Variants in CSMD1 observed in about 807,000 individuals in gnomAD.
CSMD1 encodes CUB and sushi domain-containing protein 1.
CSMD1 carries 213 observed loss-of-function variants against 417.5 expected under a neutral mutation model. The observed-to-expected ratio is 0.51, with a 90% CI of 0.46 to 0.57. The LOEUF is 0.57. Ranked by LOEUF, CSMD1 falls within the 20% of genes least tolerant of loss-of-function variation. The pLI is 0.00. For synonymous variants in CSMD1, 2,862 were observed against 1,736.8 expected, an observed-to-expected ratio of 1.65 and a Z score of -16.11; for missense variants, 6,923 against 4,529.7, an observed-to-expected ratio of 1.53 and a Z score of -15.17.
chr8:4,510,390 TAAAAAA>T (rs34791623), intron 2 of CSMD1, among the ~76,000 whole-genome samples: 917 of 54,486 alleles, frequency 0.017, 6 homozygotes, highest in Non-Finnish European at 0.023. Flanking sequence ...GCATAATGCC[TAAAAAA>T]AAAAAAAAAA....
intron 26 of CSMD1, among the ~76,000 whole-genome samples, chr8:3,241,358 A>G (rs1245676444): frequency 6.6e-6 from 1 of 151,830 alleles, no homozygotes; most frequent in African/African-American, 2.4e-5. Context: ...GGTAATGTGG[A>G]GTGGGTAGCC....
chr8:2,963,091 G>C, intron 60 of CSMD1, 131 bp downstream of exon 60: 2 of 989,090 alleles, frequency 2.0e-6, no homozygotes, highest in Non-Finnish European at 1.5e-6. Flanking sequence ...TCAAGTTTGA[G>C]TTTTTGTGTA....
At chr8:3,148,647 T>C (rs1404154772) in intron 40 of CSMD1, among the ~76,000 whole-genome samples, 4 of 152,222 alleles carry the variant, frequency 2.6e-5, no homozygotes, top group African/African-American at 9.6e-5. Flanking sequence ...TGTTTTTCAC[T>C]ATAAAACAAT....
At chr8:3,761,637 C>G (rs550884075) in intron 5 of CSMD1, among the ~76,000 whole-genome samples, 1 of 151,066 alleles carries the variant, frequency 6.6e-6, no homozygotes, top group East Asian at 2.0e-4. Flanking sequence ...TGCTGAGTAT[C>G]TGGGATTATA....
intron 7 of CSMD1, among the ~76,000 whole-genome samples, chr8:3,671,365 T>C (rs941978083): frequency 1.4e-5 from 2 of 147,950 alleles, no homozygotes; most frequent in East Asian, 2.0e-4. Flanking sequence ...ATTTCATAAA[T>C]TGCCTGAAAA....
intron 3 of CSMD1, among the ~76,000 whole-genome samples, chr8:4,156,737 C>G (rs993018657): frequency 1.3e-5 from 2 of 152,152 alleles, no homozygotes; most frequent in Non-Finnish European, 2.9e-5. Flanking sequence ...GGGCCAGTGA[C>G]AGCTTCAACC....
At chr8:4,358,222 C>G (rs577453667) in intron 3 of CSMD1, among the ~76,000 whole-genome samples, 17 of 152,248 alleles carry the variant, frequency 1.1e-4, no homozygotes, top group African/African-American at 4.1e-4. Flanking sequence ...ATTTTATGTA[C>G]CAAATGAATG....
chr8:4,744,390 C>A (rs1563272758), intron 1 of CSMD1, among the ~76,000 whole-genome samples: 1 of 152,136 alleles, frequency 6.6e-6, no homozygotes, highest in Non-Finnish European at 1.5e-5. Context: ...CTTCTCCAAC[C>A]TCTCAGTTCG....
intron 3 of CSMD1, among the ~76,000 whole-genome samples, chr8:4,343,328 G>A (rs990358419): frequency 2.6e-5 from 4 of 152,004 alleles, no homozygotes; most frequent in African/African-American, 4.8e-5. Flanking sequence ...GTAAGAGAAT[G>A]AATACATTCC....
chr8:4,653,640 G>A (rs1804047412), intron 1 of CSMD1, among the ~76,000 whole-genome samples: 1 of 152,100 alleles, frequency 6.6e-6, no homozygotes, highest in African/African-American at 2.4e-5. Context: ...ACTGCAGCGG[G>A]TTCCTGATCT....
At chr8:4,060,118 G>A (rs1798894775) in intron 3 of CSMD1, among the ~76,000 whole-genome samples, 1 of 152,166 alleles carries the variant, frequency 6.6e-6, no homozygotes, top group Non-Finnish European at 1.5e-5. Flanking sequence ...CTTCATCCCT[G>A]GGATGCAAGG....
In CSMD1 at chr8:4,864,197, A is replaced by C. The variant is rs189496879; in HGVS notation, c.85+130135T>G. Among the ~76,000 whole-genome samples the C allele has an allele frequency of 2.8e-3, 431 of 152,102 alleles. 8 individuals are homozygous for C. Among genetic ancestry groups the C allele is most frequent in the African/African-American group, 9.8e-3 (406 of 41,492 alleles). ...TCAAATAATAATGAAGTACAACCAA[A>C]ACAGACTGAATTTCAAGTTGCTAGT... On this transcript the variant is annotated intron_variant, in intron 1 of 69. Coordinates refer to ENST00000635120, the MANE Select transcript of CSMD1 (RefSeq NM_033225.6).
intron 1 of CSMD1, among the ~76,000 whole-genome samples, chr8:4,920,531 C>A (rs910001733): frequency 6.6e-6 from 1 of 152,078 alleles, no homozygotes; most frequent in Non-Finnish European, 1.5e-5. Context: ...TCAGAAATTA[C>A]AATGGTGAGG....
chr8:3,592,706 G>GTC (rs1800907005), intron 8 of CSMD1, among the ~76,000 whole-genome samples: 1 of 151,886 alleles, frequency 6.6e-6, no homozygotes, highest in Admixed American at 6.6e-5. Context: ...GTGTGTGTGT[G>GTC]TGTGAGTATG....
intron 12 of CSMD1, among the ~76,000 whole-genome samples, chr8:3,414,453 A>T (rs1054773952): frequency 2.6e-5 from 4 of 152,080 alleles, no homozygotes; most frequent in African/African-American, 9.7e-5. Context: ...GTTGTGCCTC[A>T]GTTCAGGTTC....
intron 3 of CSMD1, among the ~76,000 whole-genome samples, chr8:4,277,606 G>T (rs140746232): frequency 1.3e-5 from 2 of 152,106 alleles, no homozygotes; most frequent in Non-Finnish European, 1.5e-5. Flanking sequence ...TCACTATGAG[G>T]TGTCTCATAC....
At chr8:4,348,964 T>C (rs577231644) in intron 3 of CSMD1, among the ~76,000 whole-genome samples, 1 of 152,112 alleles carries the variant, frequency 6.6e-6, no homozygotes, top group African/African-American at 2.4e-5. Flanking sequence ...TACTCTTGAA[T>C]TGCACCATAT....
intron 8 of CSMD1, among the ~76,000 whole-genome samples, chr8:3,610,861 G>A (rs952725834): frequency 6.6e-6 from 1 of 152,058 alleles, no homozygotes; most frequent in East Asian, 1.9e-4. Context: ...GGTGTTATGT[G>A]CCTTCTTCAC....
chr8:4,232,504 T>A lies in CSMD1; in HGVS notation c.415+187449A>T, dbSNP rs143282136. On this transcript the variant is annotated intron_variant, in intron 3 of 69. Transcript: ENST00000635120. ...ATGAGCAACTGCGCCCAGCCACACATGTCCTTTAAATTACACACTACCTAT... is the reference window on the plus strand; with the variant it reads ...ATGAGCAACTGCGCCCAGCCACACAAGTCCTTTAAATTACACACTACCTAT... 1.4e-3 allele frequency among the ~76,000 whole-genome samples: 211 copies of A among 152,192 alleles called. 1 individual carries two copies. Among genetic ancestry groups the A allele is most frequent in the Non-Finnish European group, 2.6e-3 (178 of 68,032 alleles).
Sources: allele counts gnomAD v4.1 joint callset (sites outside exome capture counted in the v4.1 genomes callset), GRCh38; gene constraint gnomAD v4.1.1; transcripts MANE v1.5; gene names NCBI Gene and HGNC (gene_info 2026-07-23, HGNC 2026-07-21).